The following NTN4 variants were observed in gnomAD, a reference collection of about 807,000 sequenced individuals.
The protein encoded by NTN4 is netrin-4.
Under a neutral mutation model 73.6 loss-of-function variants are expected in NTN4, and 32 were observed. That is an observed-to-expected ratio of 0.44 (90% CI 0.33 to 0.58). The LOEUF is 0.58. Ranked by LOEUF, NTN4 falls within the 20% of genes least tolerant of loss-of-function variation. The pLI, the probability that NTN4 is intolerant of heterozygous loss-of-function variation, is 0.04. For missense variants in NTN4, 654 were observed against 798.3 expected (o/e 0.82, Z 2.18); for synonymous variants, 258 against 287.5 (o/e 0.90, Z 1.04).
At chr12:95,745,059 C>T (rs1257441057) in intron 2 of NTN4, among the ~76,000 whole-genome samples, 3 of 151,840 alleles carry the variant, frequency 2.0e-5, no homozygotes, top group Non-Finnish European at 4.4e-5. Flanking sequence ...CCATTTTTTT[C>T]TCTGGCTGCT....
At chr12:95,705,772 A>G (rs147804927) in intron 5 of NTN4, among the ~76,000 whole-genome samples, 2 of 152,224 alleles carry the variant, frequency 1.3e-5, no homozygotes, top group African/African-American at 4.8e-5. Flanking sequence ...ATATATACAT[A>G]TGTGTATGTA....
At chr12:95,726,170 G>C (rs1346383847) in intron 3 of NTN4, among the ~76,000 whole-genome samples, 1 of 151,902 alleles carries the variant, frequency 6.6e-6, no homozygotes, top group Non-Finnish European at 1.5e-5. Flanking sequence ...CATTTCAGTG[G>C]TTTCAGTATA....
At chr12:95,662,150 G>A (rs2078142598) in intron 9 of NTN4, among the ~76,000 whole-genome samples, 1 of 151,926 alleles carries the variant, frequency 6.6e-6, no homozygotes, top group Non-Finnish European at 1.5e-5. Flanking sequence ...CTGGGGGATA[G>A]AAATGTGAAA....
intron 5 of NTN4, among the ~76,000 whole-genome samples, chr12:95,708,471 T>C (rs2078537965): frequency 6.6e-6 from 1 of 151,888 alleles, no homozygotes; most frequent in Non-Finnish European, 1.5e-5. Flanking sequence ...GTATTTTTAG[T>C]AGAGATGGGG....
At chr12:95,740,919 A>G (rs528633558) in intron 2 of NTN4, among the ~76,000 whole-genome samples, 2 of 152,320 alleles carry the variant, frequency 1.3e-5, no homozygotes, top group South Asian at 4.1e-4. Flanking sequence ...CAACTGAATC[A>G]GAAACTCTGC....
intron 7 of NTN4, among the ~76,000 whole-genome samples, chr12:95,678,786 A>T (rs991606757): frequency 1.3e-5 from 2 of 152,222 alleles, no homozygotes; most frequent in Admixed American, 6.5e-5. Context: ...TACAAAAAAA[A>T]AGTGACACAT....
rs368318038 is a variant in NTN4, at chr12:95,737,920, T to C, written c.810A>G (p.Gln270=). The change falls in exon 3 of 10, where the codon CAA becomes CAG. Residue 270 remains glutamine (Q), a synonymous_variant. Coordinates refer to ENST00000343702, the MANE Select transcript of NTN4 (RefSeq NM_021229.4). ...GSCFCNGHAD[Q]CIPVHGFRPV... Reference sequence around the variant, plus strand: ...GTCTGAAGCCATGAACAGGTATGCATTGATCAGCGTGGCCATTGCAGAAGC... The same window carrying C: ...GTCTGAAGCCATGAACAGGTATGCACTGATCAGCGTGGCCATTGCAGAAGC... The C allele has an allele frequency of 1.1e-5, 18 of 1,614,138 alleles. No individual in the cohort carries two copies. In the African/African-American group the frequency reaches 1.2e-4, roughly 11 times the overall value.
At chr12:95,700,900 G>A (rs1303399755) in intron 5 of NTN4, among the ~76,000 whole-genome samples, 2 of 140,010 alleles carry the variant, frequency 1.4e-5, no homozygotes, top group South Asian at 4.5e-4. Context: ...TGCAACTTCT[G>A]CCTCCTCGGT....
At chr12:95,665,212 C>T (rs1364782133) in intron 9 of NTN4, among the ~76,000 whole-genome samples, 1 of 152,162 alleles carries the variant, frequency 6.6e-6, no homozygotes, top group African/African-American at 2.4e-5. Context: ...TCTGCTATAA[C>T]ATTTAAAGGT....
chr12:95,669,109 G>A (rs1256438292), intron 8 of NTN4, among the ~76,000 whole-genome samples: 1 of 152,018 alleles, frequency 6.6e-6, no homozygotes, highest in East Asian at 1.9e-4. Context: ...TCAGGTGGTT[G>A]AGGTATGAGA....
intron 2 of NTN4, among the ~76,000 whole-genome samples, chr12:95,772,491 CAT>C (rs902889952): frequency 2.5e-4 from 38 of 152,342 alleles, no homozygotes; most frequent in African/African-American, 8.4e-4. Flanking sequence ...AAATCTCACA[CAT>C]ATGTTTGGTC....
intron 2 of NTN4, among the ~76,000 whole-genome samples, chr12:95,778,892 C>T (rs765041554): frequency 1.1e-3 from 163 of 152,224 alleles, no homozygotes; most frequent in African/African-American, 3.1e-3. Flanking sequence ...TGATGAACAT[C>T]GATGCAAAAA....
At chr12:95,760,409 G>T (rs1416343404) in intron 2 of NTN4, among the ~76,000 whole-genome samples, 1 of 152,124 alleles carries the variant, frequency 6.6e-6, no homozygotes, top group Non-Finnish European at 1.5e-5. Flanking sequence ...GGAGACCTTT[G>T]TGTACAGATC....
chr12:95,770,803 T>C (rs1480238749), intron 2 of NTN4, among the ~76,000 whole-genome samples: 1 of 151,978 alleles, frequency 6.6e-6, no homozygotes. Flanking sequence ...AAATTATTTT[T>C]TGTTTAAGGA....
intron 5 of NTN4, among the ~76,000 whole-genome samples, chr12:95,688,930 A>T (rs1306629003): frequency 6.6e-6 from 1 of 152,160 alleles, no homozygotes; most frequent in African/African-American, 2.4e-5. Flanking sequence ...GAAGCTGGAG[A>T]AATACAGGCC....
intron 3 of NTN4, among the ~76,000 whole-genome samples, chr12:95,725,583 C>A (rs1267012444): frequency 6.6e-6 from 1 of 152,124 alleles, no homozygotes; most frequent in Non-Finnish European, 1.5e-5. Flanking sequence ...CTGATTGTCA[C>A]TCAGTATTCT....
upstream of NTN4, among the ~76,000 whole-genome samples, chr12:95,790,931 G>C (rs868224550): frequency 1.3e-5 from 2 of 149,002 alleles, no homozygotes; most frequent in South Asian, 2.1e-4. This position sits in a 1 kb window ranked among gnomAD's most constrained non-coding sequence, Gnocchi z 6.5. Context: ...TGCCGCCCGG[G>C]GGGGGGGTCC....
rs189302567 is a variant in NTN4, at chr12:95,700,731, A to G, written c.1180+9710T>C. Among the ~76,000 whole-genome samples, 794 of 152,104 alleles carry G rather than the reference A, an allele frequency of 5.2e-3. 5 individuals are homozygous for G. Among genetic ancestry groups the G allele is most frequent in the Non-Finnish European group, 7.2e-3 (487 of 67,974 alleles). ...CACCACGAACCCTGCCGCAAAAGCC[A>G]GTACACAATTATCTAGGAAGGTTAT... On this transcript the variant is annotated intron_variant, in intron 5 of 9. Transcript: ENST00000343702.
intron 3 of NTN4, among the ~76,000 whole-genome samples, chr12:95,729,646 T>A (rs992647029): frequency 0.036 from 5,360 of 150,572 alleles, 305 homozygotes; most frequent in African/African-American, 0.12. Context: ...TGTGTGTGTG[T>A]GTGTGTGTGT....
Sources: allele counts gnomAD v4.1 joint callset (sites outside exome capture counted in the v4.1 genomes callset), GRCh38; gene constraint gnomAD v4.1.1; non-coding constraint Gnocchi (gnomAD v3.1); transcripts MANE v1.5; gene names NCBI Gene and HGNC (gene_info 2026-07-23, HGNC 2026-07-21).